TBCK: variants seen among roughly 807,000 people sequenced by gnomAD.
The protein encoded by TBCK is TBC domain-containing protein kinase-like protein.
TBCK carries 99 observed loss-of-function variants against 113.4 expected under a neutral mutation model. The observed-to-expected ratio is 0.87, with a 90% CI of 0.74 to 1.03. TBCK has a LOEUF of 1.03. Ranked by LOEUF, TBCK falls within the 50% of genes least tolerant of loss-of-function variation. The pLI, the probability that TBCK is intolerant of heterozygous loss-of-function variation, is 0.00. For synonymous variants in TBCK, 369 were observed against 370.8 expected, an observed-to-expected ratio of 1.00 and a Z score of 0.05; for missense variants, 1,045 against 1,061.3, an observed-to-expected ratio of 0.98 and a Z score of 0.21.
intron 23 of TBCK, among the ~76,000 whole-genome samples, chr4:106,133,916 A>T (rs1358574532): frequency 1.3e-5 from 2 of 152,122 alleles, no homozygotes; most frequent in Non-Finnish European, 2.9e-5. Context: ...AGGCTGAGGC[A>T]GGAGAATTGC....
intron 23 of TBCK, among the ~76,000 whole-genome samples, chr4:106,121,826 C>G (rs1301731901): frequency 1.3e-5 from 2 of 151,900 alleles, no homozygotes; most frequent in Non-Finnish European, 2.9e-5. Context: ...TTGAAACCAA[C>G]GAGAACAAAG....
chr4:106,244,547 T>C (rs1760544434), intron 11 of TBCK, 79 bp downstream of exon 11: 1 of 1,204,646 alleles, frequency 8.3e-7, no homozygotes, highest in Non-Finnish European at 1.1e-6. Context: ...AAAACACCGA[T>C]TTTCTTTTTT....
chr4:106,275,730 A>G (rs79371253), intron 3 of TBCK, among the ~76,000 whole-genome samples: 1,689 of 152,292 alleles, frequency 0.011, 29 homozygotes, highest in African/African-American at 0.038. Context: ...CAAGAACTCT[A>G]CATCATAAAC....
At chr4:106,307,039 C>G (rs920095898) in intron 2 of TBCK, among the ~76,000 whole-genome samples, 1 of 152,160 alleles carries the variant, frequency 6.6e-6, no homozygotes, top group Non-Finnish European at 1.5e-5. Flanking sequence ...CACGAAGCCT[C>G]CTGACAACAT....
intron 22 of TBCK, among the ~76,000 whole-genome samples, chr4:106,192,137 C>T (rs985614408): frequency 2.0e-5 from 3 of 152,020 alleles, no homozygotes; most frequent in Non-Finnish European, 4.4e-5. Context: ...TACACAGTTG[C>T]ATGAATTTTT....
In TBCK at chr4:106,242,462, T is replaced by C. The variant is rs766132814; in HGVS notation, c.1170+8A>G. ...CCTAAAGCAGAACTGTCAAAATATC[T>C]TTCTTACATTTCTTAGCTGGCATAA... On this transcript the variant is annotated splice_region_variant and intron_variant, in intron 12 of 25. Transcript: ENST00000394708. 279 of 1,587,358 alleles carry C rather than the reference T, an allele frequency of 1.8e-4. No individual in the cohort carries two copies. The highest frequency in any genetic ancestry group is 2.3e-4 in the Non-Finnish European group (268 of 1,167,680).
intron 22 of TBCK, among the ~76,000 whole-genome samples, chr4:106,189,143 T>A (rs1279281370): frequency 1.3e-5 from 2 of 152,074 alleles, no homozygotes; most frequent in African/African-American, 4.8e-5. Flanking sequence ...AAGACTTTAA[T>A]ATGCCATCCA....
rs189224759 is a variant in TBCK, at chr4:106,092,586, C to T, written c.2571+2896G>A. 4.5e-4 allele frequency among the ~76,000 whole-genome samples: 68 copies of T among 152,334 alleles called. No individual in the cohort carries two copies. In the East Asian group the frequency reaches 0.011, roughly 25 times the overall value. ...AGGCCCGGTGAGAAATCAAGTGCAG[C>T]GCTGGTGGGCCAGCACTGCTGGGGG... On this transcript the variant is annotated intron_variant, in intron 25 of 25. Coordinates refer to ENST00000394708, the MANE Select transcript of TBCK (RefSeq NM_001163435.3).
intron 12 of TBCK, among the ~76,000 whole-genome samples, chr4:106,241,790 TA>T (rs1413933303): frequency 6.6e-6 from 1 of 151,806 alleles, no homozygotes; most frequent in East Asian, 1.9e-4. Context: ...AGGAAATATA[TA>T]AAAACATTAT....
intron 12 of TBCK, chr4:106,238,657 T>C (rs1759741797): frequency 6.6e-6 from 1 of 152,090 alleles, no homozygotes; most frequent in Non-Finnish European, 1.5e-5. Context: ...CACTTTCTTA[T>C]ACAAAATATA....
At position 106,140,451 on chromosome 4, in the gene TBCK, A is replaced by G. The variant is rs1351975967; in HGVS notation, c.2236-24073T>C. On this transcript the variant is annotated intron_variant, in intron 23 of 25. Coordinates refer to ENST00000394708, the MANE Select transcript of TBCK (RefSeq NM_001163435.3). Reference sequence around the variant, plus strand: ...TGAGGCTACTTTAATTGAAATGGTAATAATGCTACAAATAAAAAAAACTAC... The same window carrying G: ...TGAGGCTACTTTAATTGAAATGGTAGTAATGCTACAAATAAAAAAAACTAC... Among the ~76,000 whole-genome samples, 5 of 140,762 alleles carry G rather than the reference A, an allele frequency of 3.6e-5. 1 individual carries two copies. The highest frequency in any genetic ancestry group is 1.3e-4 in the African/African-American group (5 of 39,952). 92.3% of individuals were successfully genotyped at this position (140,762 alleles called of 152,430 possible).
At chr4:106,181,717 T>C (rs866796683) in intron 22 of TBCK, among the ~76,000 whole-genome samples, 48 of 152,156 alleles carry the variant, frequency 3.2e-4, no homozygotes, top group African/African-American at 1.1e-3. Context: ...TGTTCTGTTC[T>C]ATTGGTCTAT....
chr4:106,301,874 G>A (rs569792434), intron 2 of TBCK, among the ~76,000 whole-genome samples: 1 of 152,270 alleles, frequency 6.6e-6, no homozygotes, highest in African/African-American at 2.4e-5. Context: ...ACAAATCAAA[G>A]TCATGTGGTA....
chr4:106,112,112 G>A (rs2149557542), intron 24 of TBCK, among the ~76,000 whole-genome samples: 1 of 150,800 alleles, frequency 6.6e-6, no homozygotes, highest in South Asian at 2.1e-4. Flanking sequence ...CCTAGAATGG[G>A]TTTTTTGCTC....
At chr4:106,214,210 C>T (rs1756559474) in intron 19 of TBCK, among the ~76,000 whole-genome samples, 1 of 152,116 alleles carries the variant, frequency 6.6e-6, no homozygotes, top group Non-Finnish European at 1.5e-5. Flanking sequence ...CACCAAAAAC[C>T]CATCTGTACA....
rs35695611 is a variant in TBCK, at chr4:106,197,411, G to GTGTATATA, written c.1861-2658_1861-2657insTATATACA. ...AGTGTGTGTGTGTGTGTGTGTGTGT[G>GTGTATATA]TATATATATATATATATATATAATA... On this transcript the variant is annotated intron_variant, in intron 20 of 25. Coordinates refer to ENST00000394708, the MANE Select transcript of TBCK (RefSeq NM_001163435.3). Among the ~76,000 whole-genome samples the GTGTATATA allele has an allele frequency of 2.2e-3, 264 of 122,436 alleles. 2 individuals carry two copies. Among genetic ancestry groups the GTGTATATA allele is most frequent in the South Asian group, 0.012 (40 of 3,402 alleles). The allele number at this position is 122,436 out of a possible 152,430, so 80.3% of individuals were successfully genotyped here.
intron 24 of TBCK, among the ~76,000 whole-genome samples, chr4:106,106,426 T>C (rs1281390027): frequency 6.6e-6 from 1 of 152,154 alleles, no homozygotes; most frequent in African/African-American, 2.4e-5. Context: ...GGGATTCCCA[T>C]CAGGCTAACA....
chr4:106,128,918 A>G (rs1303396914), intron 23 of TBCK, among the ~76,000 whole-genome samples: 1 of 152,232 alleles, frequency 6.6e-6, no homozygotes, highest in Non-Finnish European at 1.5e-5. Context: ...TTAATTGGAT[A>G]TAATGGAATG....
At chr4:106,233,704 T>C in intron 15 of TBCK, 54 bp from the exon 16 acceptor site, 2 of 1,343,692 alleles carry the variant, frequency 1.5e-6, no homozygotes, top group Non-Finnish European at 2.1e-6. Flanking sequence ...ATACAAATAG[T>C]AATATAGAGA....
Sources: allele counts gnomAD v4.1 joint callset (sites outside exome capture counted in the v4.1 genomes callset), GRCh38; gene constraint gnomAD v4.1.1; transcripts MANE v1.5; gene names NCBI Gene and HGNC (gene_info 2026-07-23, HGNC 2026-07-21).